PRDM16: variants seen among roughly 807,000 people sequenced by gnomAD.
PRDM16 encodes the protein PR/SET domain 16.
Under a neutral mutation model 110.6 loss-of-function variants are expected in PRDM16, and 23 were observed. The observed-to-expected ratio is 0.21, with a 90% CI of 0.15 to 0.29. The LOEUF is 0.29. Among genes scored for constraint, PRDM16 ranks in the 10% least tolerant of loss-of-function variants. PRDM16 has a pLI of 1.00. For missense variants in PRDM16, 1,615 were observed against 1,794.3 expected, an observed-to-expected ratio of 0.90 and a Z score of 1.81; for synonymous variants, 799 against 781.8, an observed-to-expected ratio of 1.02 and a Z score of -0.37.
At chr1:3,101,177 TCTC>T (rs911212298) in intron 1 of PRDM16, among the ~76,000 whole-genome samples, 74 of 152,000 alleles carry the variant, frequency 4.9e-4, no homozygotes, top group Middle Eastern at 3.2e-3. Context: ...TGAGCTCAGC[TCTC>T]CTCCTGCTCC....
At position 3,080,627 on chromosome 1, in the gene PRDM16, T is replaced by G. The variant is rs1007136931; in HGVS notation, c.37+11331T>G. Among the ~76,000 whole-genome samples the G allele has an allele frequency of 2.8e-4, 42 of 151,986 alleles. No individual in the cohort carries two copies. The highest frequency in any genetic ancestry group is 2.6e-3 in the Admixed American group (39 of 15,268). On this transcript the variant is annotated intron_variant, in intron 1 of 16. Transcript: ENST00000270722. This position sits in a 1 kb window ranked among gnomAD's most constrained non-coding sequence, Gnocchi z 5.2. The stretch of plus-strand genomic sequence containing the variant: ...TCATCAACTCGGCTGACAATCCATT[T>G]TGCAAAAACGGGAGGCCCGGGCCCC...
At chr1:3,431,876 C>A in intron 15 of PRDM16, 90 bp from the exon 16 acceptor site, 1 of 1,366,398 alleles carries the variant, frequency 7.3e-7, no homozygotes, top group Non-Finnish European at 1.0e-6. Flanking sequence ...GGCGTGCATG[C>A]AGGCCCGGAG....
intron 1 of PRDM16, among the ~76,000 whole-genome samples, chr1:3,121,863 A>G (rs1643101665): frequency 6.6e-6 from 1 of 152,212 alleles, no homozygotes; most frequent in Non-Finnish European, 1.5e-5. Flanking sequence ...GTGGAGGAAG[A>G]AGGGCTGCAG....
intron 1 of PRDM16, among the ~76,000 whole-genome samples, chr1:3,124,931 C>T (rs561769528): frequency 1.3e-5 from 2 of 152,284 alleles, no homozygotes; most frequent in Admixed American, 6.5e-5. Context: ...GTACTGGAAG[C>T]GAGCAGCTGC....
At position 3,157,265 on chromosome 1, in the gene PRDM16, C is replaced by A. The variant is rs369839837; in HGVS notation, c.38-28860C>A. Among the ~76,000 whole-genome samples, 2 of 152,174 alleles carry A rather than the reference C, an allele frequency of 1.3e-5. No individual in the cohort carries two copies. The highest frequency in any genetic ancestry group is 1.3e-4 in the Admixed American group (2 of 15,280). ...TCCGGCAGATGAAATCCAGGACACC[C>A]AGTTCAATTTGAATTTCAGATACAC... On this transcript the variant is annotated intron_variant, in intron 1 of 16. Coordinates refer to ENST00000270722, the MANE Select transcript of PRDM16 (RefSeq NM_022114.4). The surrounding 1 kb of genome is among the most constrained non-coding windows in gnomAD (Gnocchi z 4.8).
At chr1:3,256,265 G>A (rs745882407) in intron 3 of PRDM16, among the ~76,000 whole-genome samples, 14 of 152,174 alleles carry the variant, frequency 9.2e-5, no homozygotes, top group South Asian at 4.1e-4. Flanking sequence ...GGGCTGCTGC[G>A]GGCTGGGGGT....
chr1:3,087,691 A>G (rs1642181989), intron 1 of PRDM16, among the ~76,000 whole-genome samples: 1 of 152,160 alleles, frequency 6.6e-6, no homozygotes, highest in Non-Finnish European at 1.5e-5. Context: ...CAATCCAGGG[A>G]TGGCCGGTGG....
intron 3 of PRDM16, among the ~76,000 whole-genome samples, chr1:3,306,405 C>G (rs760546546): frequency 6.6e-6 from 1 of 152,126 alleles, no homozygotes; most frequent in Non-Finnish European, 1.5e-5. Context: ...AGGAGTGCAC[C>G]CCTCTCAACA....
intron 2 of PRDM16, among the ~76,000 whole-genome samples, chr1:3,193,915 G>A (rs7545395): frequency 0.039 from 5,898 of 152,274 alleles, 140 homozygotes; most frequent in Non-Finnish European, 0.047. Flanking sequence ...GCTGGGCTGG[G>A]GCCAGGGAGG....
chr1:3,104,406 T>C (rs923095034), intron 1 of PRDM16, among the ~76,000 whole-genome samples: 1 of 152,180 alleles, frequency 6.6e-6, no homozygotes, highest in Non-Finnish European at 1.5e-5. Flanking sequence ...GGCCTTGCTG[T>C]TCTAGAAGCT....
At chr1:3,295,315 A>G (rs1322772625) in intron 3 of PRDM16, among the ~76,000 whole-genome samples, 2 of 152,144 alleles carry the variant, frequency 1.3e-5, no homozygotes, top group Admixed American at 1.3e-4. Context: ...GGTGCAGCTC[A>G]TCTGAGAATA....
At chr1:3,072,114 C>T (rs1641778523) in intron 1 of PRDM16, among the ~76,000 whole-genome samples, 1 of 152,098 alleles carries the variant, frequency 6.6e-6, no homozygotes, top group Non-Finnish European at 1.5e-5. Context: ...AGAGTGAGGA[C>T]AGTTCAGGGA....
chr1:3,400,869 C>T, intron 5 of PRDM16, among the ~76,000 whole-genome samples: 1 of 152,176 alleles, frequency 6.6e-6, no homozygotes, highest in East Asian at 1.9e-4. Context: ...TGGGGCTCCT[C>T]TCGGCCAGAC....
At chr1:3,193,077 C>T (rs1638355841) in intron 2 of PRDM16, among the ~76,000 whole-genome samples, 1 of 151,664 alleles carries the variant, frequency 6.6e-6, no homozygotes, top group Admixed American at 6.6e-5. Flanking sequence ...ATGGTGAGTA[C>T]TGAGCAGACG....
chr1:3,114,494 A>G (rs535916955), intron 1 of PRDM16, among the ~76,000 whole-genome samples: 7 of 150,310 alleles, frequency 4.7e-5, no homozygotes, highest in African/African-American at 1.2e-4. Flanking sequence ...GCACGCACGC[A>G]CACACGCGCA....
At chr1:3,345,728 G>A (rs533930022) in intron 3 of PRDM16, among the ~76,000 whole-genome samples, 47 of 151,502 alleles carry the variant, frequency 3.1e-4, no homozygotes, top group African/African-American at 9.0e-4. Flanking sequence ...GGGTCCTCCC[G>A]TGCTGCCCCC....
intron 1 of PRDM16, among the ~76,000 whole-genome samples, chr1:3,162,125 C>T (rs561454069): frequency 4.9e-4 from 75 of 152,280 alleles, no homozygotes; most frequent in African/African-American, 1.6e-3. Flanking sequence ...TAATCTTTGT[C>T]ATTTTAACCA....
At chr1:3,395,825 C>T (rs1263360736) in intron 4 of PRDM16, among the ~76,000 whole-genome samples, 1 of 152,250 alleles carries the variant, frequency 6.6e-6, no homozygotes, top group African/African-American at 2.4e-5. Context: ...AATGGAGGTC[C>T]CCTCGCCCCC....
chr1:3,396,437 C>T, intron 4 of PRDM16, 54 bp from the exon 5 acceptor site: 1 of 1,018,374 alleles, frequency 9.8e-7, no homozygotes, highest in Admixed American at 2.0e-5. Flanking sequence ...CTGAGAGGCT[C>T]TCCAGACACC....
Sources: allele counts gnomAD v4.1 joint callset (sites outside exome capture counted in the v4.1 genomes callset), GRCh38; gene constraint gnomAD v4.1.1; non-coding constraint Gnocchi (gnomAD v3.1); transcripts MANE v1.5; gene names NCBI Gene and HGNC (gene_info 2026-07-23, HGNC 2026-07-21).